GUCY1B1: variants seen among roughly 807,000 people sequenced by gnomAD.
GUCY1B1 encodes guanylate cyclase 1 soluble subunit beta 1.
In GUCY1B1, 43 loss-of-function variants were observed where a neutral mutation model predicts 71.0. The ratio of observed to expected loss-of-function variants is 0.61; its 90% CI spans 0.47 to 0.78. The LOEUF is 0.78. Among genes scored for constraint, GUCY1B1 ranks in the 30% least tolerant of loss-of-function variants. The pLI, the probability that GUCY1B1 is intolerant of heterozygous loss-of-function variation, is 0.00. For missense variants in GUCY1B1, 535 were observed against 754.1 expected (o/e 0.71, Z 3.40); for synonymous variants, 266 against 259.7 (o/e 1.02, Z -0.23).
intron 4 of GUCY1B1, chr4:155,785,319 T>G: frequency 7.0e-7 from 1 of 1,425,008 alleles, no homozygotes; most frequent in Non-Finnish European, 9.5e-7. Flanking sequence ...GGAATCTACT[T>G]GTGCTGCAAT....
At chr4:155,759,577 G>A in intron 1 of GUCY1B1, 1 of 542,302 alleles carries the variant, frequency 1.8e-6, no homozygotes, top group Non-Finnish European at 3.2e-6. Context: ...GGGGTGGGGC[G>A]GATGGTGACG....
At chr4:155,767,794 T>A (rs1737438409) in intron 2 of GUCY1B1, among the ~76,000 whole-genome samples, 1 of 152,170 alleles carries the variant, frequency 6.6e-6, no homozygotes, top group Non-Finnish European at 1.5e-5. Flanking sequence ...ACTTAGAGGC[T>A]ATTCATGCTC....
chr4:155,802,107 C>A lies in GUCY1B1; in HGVS notation c.1176-235C>A. 1.2e-6 allele frequency: 1 copy of A among 814,864 alleles called. No homozygotes were observed. The highest frequency in any genetic ancestry group is 1.9e-6 in the Non-Finnish European group (1 of 538,516). 50.5% of individuals were successfully genotyped at this position (814,864 alleles called of 1,614,324 possible). A position where few individuals can be genotyped will look rare whatever the true frequency, so the allele number is the denominator to read the frequency against. ...TTGGCTTATTTTGATTTGGTTTGAACTAGTTTGGGCTTGCGGATGTCTTAT... is the reference window on the plus strand; with the variant it reads ...TTGGCTTATTTTGATTTGGTTTGAAATAGTTTGGGCTTGCGGATGTCTTAT... On this transcript the variant is annotated intron_variant, in intron 9 of 13. Coordinates refer to ENST00000264424, the MANE Select transcript of GUCY1B1 (RefSeq NM_000857.5). This position sits in a 1 kb window ranked among gnomAD's most constrained non-coding sequence, Gnocchi z 4.3.
At position 155,759,487 on chromosome 4, in the gene GUCY1B1, G is replaced by A. The variant is rs1430287430; in HGVS notation, c.4-300G>A. The A allele has an allele frequency of 3.2e-5, 16 of 502,678 alleles. No homozygotes were observed. In the East Asian group the frequency reaches 4.9e-4, roughly 15 times the overall value. The allele number at this position is 502,678 out of a possible 1,614,324, so 31.1% of individuals were successfully genotyped here. The stretch of plus-strand genomic sequence containing the variant: ...GAGCGCCAGCGGAAGGGAAGGCTCC[G>A]GGTTCGCGTCCCCGCGCTGCCCCCG... On this transcript the variant is annotated intron_variant, in intron 1 of 13. Coordinates refer to ENST00000264424, the MANE Select transcript of GUCY1B1 (RefSeq NM_000857.5).
At chr4:155,762,183 C>G (rs1220451590) in intron 2 of GUCY1B1, among the ~76,000 whole-genome samples, 2 of 152,138 alleles carry the variant, frequency 1.3e-5, no homozygotes, top group Non-Finnish European at 2.9e-5. Flanking sequence ...GGAGGAGAAC[C>G]TGGAGGAGTG....
intron 1 of GUCY1B1, 125 bp from the exon 2 acceptor site, chr4:155,759,662 G>A: frequency 1.5e-6 from 1 of 656,552 alleles, no homozygotes; most frequent in Non-Finnish European, 2.7e-6. Context: ...CCCTAAGGGA[G>A]AGGAGTCAGG....
At chr4:155,780,464 T>G (rs577749004) in intron 4 of GUCY1B1, among the ~76,000 whole-genome samples, 1 of 152,300 alleles carries the variant, frequency 6.6e-6, no homozygotes, top group South Asian at 2.1e-4. Context: ...TAGGACACTC[T>G]ATTTCCCCAG....
intron 4 of GUCY1B1, among the ~76,000 whole-genome samples, chr4:155,777,892 A>G (rs1414366864): frequency 1.3e-5 from 2 of 152,158 alleles, no homozygotes; most frequent in Non-Finnish European, 2.9e-5. Context: ...TGTTCCCTGA[A>G]GAACTCCAGG....
At chr4:155,759,273 C>A in intron 1 of GUCY1B1, 130 bp downstream of exon 1, 3 of 889,470 alleles carry the variant, frequency 3.4e-6, no homozygotes, top group Non-Finnish European at 5.1e-6. Context: ...ACGGGAGCAG[C>A]CTCACTCCTT....
At chr4:155,767,831 A>G (rs531063203) in intron 2 of GUCY1B1, among the ~76,000 whole-genome samples, 1 of 152,228 alleles carries the variant, frequency 6.6e-6, no homozygotes, top group Admixed American at 6.5e-5. Context: ...AAAGCAATAT[A>G]AAGTTTTACT....
At chr4:155,780,030 G>T (rs1463744129) in intron 4 of GUCY1B1, among the ~76,000 whole-genome samples, 1 of 152,022 alleles carries the variant, frequency 6.6e-6, no homozygotes, top group African/African-American at 2.4e-5. Flanking sequence ...TGGATTCCCT[G>T]CTTCTCTTCA....
chr4:155,767,151 A>G (rs886755168), intron 2 of GUCY1B1, among the ~76,000 whole-genome samples: 1 of 152,202 alleles, frequency 6.6e-6, no homozygotes, highest in Non-Finnish European at 1.5e-5. Flanking sequence ...AGAAAGACCT[A>G]TAACCTTCTT....
At chr4:155,799,797 A>T in intron 8 of GUCY1B1, 80 bp from the exon 9 acceptor site, 1 of 722,876 alleles carries the variant, frequency 1.4e-6, no homozygotes. Flanking sequence ...TGGCAGGATC[A>T]GATTCCTTGA....
intron 5 of GUCY1B1, among the ~76,000 whole-genome samples, chr4:155,790,202 G>A (rs1333084317): frequency 1.3e-5 from 2 of 152,160 alleles, no homozygotes; most frequent in Admixed American, 1.3e-4. Flanking sequence ...GAAGCAGAAG[G>A]ATATGTGACG....
At chr4:155,787,598 A>G (rs1412940510) in intron 4 of GUCY1B1, among the ~76,000 whole-genome samples, 2 of 152,180 alleles carry the variant, frequency 1.3e-5, no homozygotes, top group Non-Finnish European at 2.9e-5. Context: ...GATATAAACC[A>G]TGAGCTGCTT....
chr4:155,761,546 C>T (rs986586227), intron 2 of GUCY1B1, among the ~76,000 whole-genome samples: 13 of 152,096 alleles, frequency 8.5e-5, no homozygotes, highest in African/African-American at 3.1e-4. Flanking sequence ...CAGTTTAGAT[C>T]ACTGTTAAAT....
At position 155,803,781 on chromosome 4, in the gene GUCY1B1, G is replaced by T. The variant is rs748813420; in HGVS notation, c.1554+17G>T. On this transcript the variant is annotated intron_variant, in intron 11 of 13. Transcript: ENST00000264424. Reference sequence around the variant, plus strand: ...TCTGTTCAGGTTAGTAAATGAAGTAGATATTGTAATAATGGTATGTAAACC... The same window carrying T: ...TCTGTTCAGGTTAGTAAATGAAGTATATATTGTAATAATGGTATGTAAACC... 1 of 1,517,114 alleles carries T rather than the reference G, an allele frequency of 6.6e-7. No homozygotes were observed. Among genetic ancestry groups the T allele is most frequent in the South Asian group, 1.3e-5 (1 of 77,484 alleles). The allele number at this position is 1,517,114 out of a possible 1,614,324, so 94.0% of individuals were successfully genotyped here. A position where few individuals can be genotyped will look rare whatever the true frequency, so the allele number is the denominator to read the frequency against.
intron 4 of GUCY1B1, among the ~76,000 whole-genome samples, chr4:155,781,630 C>T (rs578123429): frequency 1.0e-3 from 151 of 150,908 alleles, no homozygotes; most frequent in African/African-American, 3.2e-3. Flanking sequence ...GATATATTTA[C>T]GATAAATAAA....
intron 6 of GUCY1B1, among the ~76,000 whole-genome samples, chr4:155,794,798 T>C (rs1207747196): frequency 6.6e-6 from 1 of 152,170 alleles, no homozygotes; most frequent in Non-Finnish European, 1.5e-5. Context: ...ACCTGTCCCT[T>C]ACTGTATGAC....
Sources: allele counts gnomAD v4.1 joint callset (sites outside exome capture counted in the v4.1 genomes callset), GRCh38; gene constraint gnomAD v4.1.1; non-coding constraint Gnocchi (gnomAD v3.1); transcripts MANE v1.5; gene names NCBI Gene and HGNC (gene_info 2026-07-23, HGNC 2026-07-21).